The following ZNF143 variants were observed in gnomAD, a reference collection of about 807,000 sequenced individuals.
ZNF143 encodes zinc finger protein 143.
ZNF143 carries 49 observed loss-of-function variants against 74.1 expected under a neutral mutation model. The observed-to-expected ratio is 0.66, with a 90% CI of 0.53 to 0.84. The LOEUF is 0.84. ZNF143 is among the 40% of genes least tolerant of loss of function. The pLI is 0.00. For synonymous variants in ZNF143, 304 were observed against 282.8 expected (o/e 1.07, Z -0.75); for missense variants, 637 against 793.4 (o/e 0.80, Z 2.37).
intron 5 of ZNF143, among the ~76,000 whole-genome samples, chr11:9,477,233 CCTTCCCTT>C (rs1244315561): frequency 2.8e-5 from 4 of 145,026 alleles, no homozygotes; most frequent in African/African-American, 5.1e-5. Flanking sequence ...TCCTTCCCTT[CCTTCCCTT>C]CCTTCCCTTC....
intron 7 of ZNF143, among the ~76,000 whole-genome samples, chr11:9,485,995 T>C (rs562038106): frequency 1.3e-5 from 2 of 151,404 alleles, no homozygotes; most frequent in South Asian, 4.1e-4. Flanking sequence ...TACAGCATCC[T>C]GAAACCTGGT....
intron 11 of ZNF143, among the ~76,000 whole-genome samples, chr11:9,501,925 CTTTTTTTTTTTTTTT>C (rs57169874): frequency 1.9e-4 from 7 of 37,436 alleles, no homozygotes; most frequent in East Asian, 9.1e-4. Context: ...TGGATATATT[CTTTTTTTTTTTTTTT>C]TTTTTTTTTT....
chr11:9,499,284 A>G (rs1187395861), intron 10 of ZNF143, among the ~76,000 whole-genome samples: 1 of 152,228 alleles, frequency 6.6e-6, no homozygotes, highest in East Asian at 1.9e-4. Flanking sequence ...GTAGTAATAC[A>G]GTGAAAATTA....
chr11:9,461,320 C>T (rs376174686), intron 1 of ZNF143, among the ~76,000 whole-genome samples: 6 of 152,290 alleles, frequency 3.9e-5, no homozygotes, highest in Middle Eastern at 3.4e-3. Context: ...CTCAACTCCC[C>T]CCAGCTTGTC....
At chr11:9,466,382 G>A (rs1028655392) in intron 1 of ZNF143, among the ~76,000 whole-genome samples, 10 of 150,962 alleles carry the variant, frequency 6.6e-5, no homozygotes, top group Non-Finnish European at 1.3e-4. Flanking sequence ...TGCAACCTAC[G>A]TCTCCCGGAT....
intron 14 of ZNF143, among the ~76,000 whole-genome samples, chr11:9,524,045 CAAAAA>C (rs533664056): frequency 3.5e-5 from 3 of 86,766 alleles, no homozygotes; most frequent in African/African-American, 9.2e-5. Flanking sequence ...GAGACTACCT[CAAAAA>C]AAAAAAAAAA....
intron 11 of ZNF143, among the ~76,000 whole-genome samples, chr11:9,505,930 A>G (rs1848348209): frequency 6.6e-6 from 1 of 151,286 alleles, no homozygotes; most frequent in Non-Finnish European, 1.5e-5. Flanking sequence ...AGTGCTTCTT[A>G]TTAAAATATA....
intron 15 of ZNF143, among the ~76,000 whole-genome samples, chr11:9,525,913 A>G (rs1849109001): frequency 6.6e-6 from 1 of 152,172 alleles, no homozygotes; most frequent in Non-Finnish European, 1.5e-5. Context: ...AGGCTGAGAC[A>G]GGTAGGTAGC....
chr11:9,496,878 G>C (rs778455936), intron 9 of ZNF143, among the ~76,000 whole-genome samples: 2 of 151,838 alleles, frequency 1.3e-5, no homozygotes, highest in African/African-American at 4.8e-5. Context: ...GATTACAGGC[G>C]TGAGCCACTG....
chr11:9,468,523 G>A (rs1856379794), intron 1 of ZNF143, among the ~76,000 whole-genome samples: 1 of 152,116 alleles, frequency 6.6e-6, no homozygotes, highest in Non-Finnish European at 1.5e-5. Flanking sequence ...AGGATATTCT[G>A]CCCCAATTAG....
chr11:9,476,299 C>T (rs1361358693), intron 5 of ZNF143, among the ~76,000 whole-genome samples: 2 of 152,026 alleles, frequency 1.3e-5, no homozygotes, highest in Admixed American at 6.6e-5. Context: ...CACTTAGAAC[C>T]GTGCTTGTCT....
intron 12 of ZNF143, among the ~76,000 whole-genome samples, chr11:9,510,277 A>G (rs889381759): frequency 6.6e-6 from 1 of 151,820 alleles, no homozygotes; most frequent in East Asian, 1.9e-4. Flanking sequence ...GGCGCCCGCC[A>G]CCATGCCTGG....
At position 9,525,515 on chromosome 11, in the gene ZNF143, C is replaced by T. The variant is rs1167524617; in HGVS notation, c.1833+129C>T. 9.6e-6 allele frequency: 12 copies of T among 1,249,978 alleles called. No individual in the cohort carries two copies. The East Asian group carries it at 1.9e-4, about 20-fold the overall frequency. The allele number at this position is 1,249,978 out of a possible 1,614,324, so 77.4% of individuals were successfully genotyped here. A position where few individuals can be genotyped will look rare whatever the true frequency, so the allele number is the denominator to read the frequency against. The stretch of plus-strand genomic sequence containing the variant: ...AGAATAATCTCTATCACCTAGCCTA[C>T]TTTAAGGAAATCGGTGTATTTGAGG... On this transcript the variant is annotated intron_variant, in intron 15 of 15. Coordinates refer to ENST00000396602, the MANE Select transcript of ZNF143 (RefSeq NM_003442.6).
Position 9,478,503 on chromosome 11 carries a change from G to T in ZNF143, c.487G>T (p.Asp163Tyr). Residue 163 changes from aspartate (D) to tyrosine (Y), a missense_variant, in exon 6 of 16, where the codon GAT becomes TAT. By Grantham distance (160) the Asp-to-Tyr change is radical. Coordinates refer to ENST00000396602, the MANE Select transcript of ZNF143 (RefSeq NM_003442.6). ...QSDTILAIQA[D>Y]GTVAGLHTGD... ...TGACACCATCTTGGCAATTCAGGCT[G>T]ATGGGACAGTGGCAGGTCTGCACAC... is the stretch of plus-strand genomic sequence containing the variant. The T allele has an allele frequency of 1.2e-6, 2 of 1,614,216 alleles. No homozygotes were observed. Among genetic ancestry groups the T allele is most frequent in the Non-Finnish European group, 1.7e-6 (2 of 1,180,044 alleles).
At chr11:9,487,689 A>T (rs938183881) in intron 7 of ZNF143, among the ~76,000 whole-genome samples, 1 of 152,152 alleles carries the variant, frequency 6.6e-6, no homozygotes, top group Admixed American at 6.6e-5. Flanking sequence ...AACATACATT[A>T]AGTTTAAATA....
At chr11:9,520,644 T>C (rs1238179478) in intron 14 of ZNF143, among the ~76,000 whole-genome samples, 4 of 151,868 alleles carry the variant, frequency 2.6e-5, no homozygotes, top group Non-Finnish European at 4.4e-5. Flanking sequence ...TACAAAAAAT[T>C]AGCATGGTGT....
At chr11:9,496,627 C>T (rs998903818) in intron 9 of ZNF143, among the ~76,000 whole-genome samples, 18 of 151,178 alleles carry the variant, frequency 1.2e-4, no homozygotes, top group Non-Finnish European at 8.8e-5. Flanking sequence ...GAGACAGTTT[C>T]ACTCTGTCAC....
chr11:9,471,698 A>G (rs1291554801), intron 2 of ZNF143, among the ~76,000 whole-genome samples: 1 of 151,604 alleles, frequency 6.6e-6, no homozygotes, highest in Non-Finnish European at 1.5e-5. Context: ...GATTACAGGC[A>G]TGTGCCACCA....
At chr11:9,521,564 T>G (rs953069362) in intron 14 of ZNF143, among the ~76,000 whole-genome samples, 1 of 151,768 alleles carries the variant, frequency 6.6e-6, no homozygotes, top group East Asian at 1.9e-4. Flanking sequence ...TGCGGAGGTT[T>G]TTTTTTGTTT....
Sources: gnomAD v4.1 joint callset for allele counts (sites outside exome capture counted in the v4.1 genomes callset) on GRCh38, gnomAD v4.1.1 for gene constraint, MANE v1.5 for transcripts, NCBI Gene and HGNC (gene_info 2026-07-23, HGNC 2026-07-21) for gene names.